The following ADAM23 variants were observed in gnomAD, a reference collection of about 807,000 sequenced individuals.
The protein encoded by ADAM23 is ADAM metallopeptidase domain 23, also known as disintegrin and metalloproteinase domain-containing protein 23.
ADAM23 carries 33 observed loss-of-function variants against 120.1 expected under a neutral mutation model. The observed-to-expected ratio is 0.27, with a 90% CI of 0.21 to 0.37. The LOEUF is 0.37. Among genes scored for constraint, ADAM23 ranks in the 10% least tolerant of loss-of-function variants. The pLI is 1.00. For missense variants in ADAM23, 862 were observed against 1,058.2 expected, an observed-to-expected ratio of 0.81 and a Z score of 2.57; for synonymous variants, 367 against 375.2, an observed-to-expected ratio of 0.98 and a Z score of 0.25.
rs143773690 is a variant in ADAM23 at position 206,448,539 on chromosome 2, G to T, written c.432+3015G>T. ...GCCAATGAGATGATGGGTGGCTGGG[G>T]GTCCCTAAATAGCTTCAGGATGGGA... On this transcript the variant is annotated intron_variant, in intron 2 of 25. Transcript: ENST00000264377. 2.0e-5 allele frequency among the ~76,000 whole-genome samples: 3 copies of T among 152,240 alleles called. No homozygotes were observed. In the East Asian group the frequency reaches 5.8e-4, roughly 29 times the overall value.
rs955523236 is a variant in ADAM23, at chr2:206,617,967, A to T, written c.*340A>T. 6 of 217,318 alleles carry T rather than the reference A, an allele frequency of 2.8e-5. No individual in the cohort carries two copies. Among genetic ancestry groups the T allele is most frequent in the African/African-American group, 1.1e-4 (5 of 43,564 alleles). The allele number at this position is 217,318 out of a possible 1,614,324, so 13.5% of individuals were successfully genotyped here. On this transcript the variant is annotated 3_prime_UTR_variant, in exon 26 of 26. Coordinates refer to ENST00000264377, the MANE Select transcript of ADAM23 (RefSeq NM_003812.4). ...AAAGGAATCATTAAAAAAAATAGTA[A>T]ATGATTTTTTTTCCCTCAGCCTGCT...
chr2:206,475,320 T>C (rs1695754337), intron 2 of ADAM23, among the ~76,000 whole-genome samples: 1 of 152,170 alleles, frequency 6.6e-6, no homozygotes, highest in Admixed American at 6.5e-5. Context: ...TGTTGATATT[T>C]TCTTTTGGAC....
intron 3 of ADAM23, among the ~76,000 whole-genome samples, chr2:206,519,733 CT>C (rs1408930562): frequency 6.6e-6 from 1 of 152,066 alleles, no homozygotes; most frequent in African/African-American, 2.4e-5. Flanking sequence ...AAGAACCAGC[CT>C]GGCAAGGTGG....
chr2:206,473,195 A>G (rs1454351975), intron 2 of ADAM23, among the ~76,000 whole-genome samples: 1 of 152,192 alleles, frequency 6.6e-6, no homozygotes, highest in African/African-American at 2.4e-5. Context: ...TTACTTTAAA[A>G]GCATGTTTCT....
chr2:206,458,715 G>A lies in ADAM23; in HGVS notation c.432+13191G>A, dbSNP rs116651783. Among the ~76,000 whole-genome samples the A allele has an allele frequency of 1.9e-3, 282 of 152,256 alleles. 1 individual carries two copies. Among genetic ancestry groups the A allele is most frequent in the Middle Eastern group, 0.017 (5 of 294 alleles). On this transcript the variant is annotated intron_variant, in intron 2 of 25. Coordinates refer to ENST00000264377, the MANE Select transcript of ADAM23 (RefSeq NM_003812.4). The stretch of plus-strand genomic sequence containing the variant: ...GCCCCAAATACTCATACTATAAATA[G>A]CACACGTTCAGATGATAATTTCCCC...
chr2:206,571,170 G>T (rs1220695598), intron 16 of ADAM23, among the ~76,000 whole-genome samples: 1 of 152,114 alleles, frequency 6.6e-6, no homozygotes, highest in Non-Finnish European at 1.5e-5. Context: ...GAGGAGAATT[G>T]CCTGCTAAAA....
intron 2 of ADAM23, among the ~76,000 whole-genome samples, chr2:206,455,043 G>A (rs555108935): frequency 4.0e-4 from 61 of 152,360 alleles, no homozygotes; most frequent in African/African-American, 1.4e-3. Context: ...TGGGGACTGT[G>A]TATGGAAGCT....
chr2:206,543,400 A>G lies in ADAM23; in HGVS notation c.720+84A>G, dbSNP rs540935024. The G allele has an allele frequency of 2.6e-4, 305 of 1,172,694 alleles. 1 individual carries two copies. The highest frequency in any genetic ancestry group is 5.8e-4 in the Middle Eastern group (3 of 5,184). 72.6% of individuals were successfully genotyped at this position (1,172,694 alleles called of 1,614,324 possible). On this transcript the variant is annotated intron_variant, in intron 6 of 25. Transcript: ENST00000264377. ...GAGAAGAAAAGAGAAAAGAGTGTAG[A>G]TTTCAAAGTGCCTTTGTACATGTTA... is the stretch of plus-strand genomic sequence containing the variant.
chr2:206,561,466 A>G (rs1223592927), intron 12 of ADAM23, among the ~76,000 whole-genome samples: 1 of 152,224 alleles, frequency 6.6e-6, no homozygotes, highest in African/African-American at 2.4e-5. Context: ...TTAGGCCTCT[A>G]TAGATAAGAT....
At chr2:206,590,526 G>A (rs1186996140) in intron 21 of ADAM23, among the ~76,000 whole-genome samples, 2 of 152,146 alleles carry the variant, frequency 1.3e-5, no homozygotes, top group Admixed American at 6.5e-5. Context: ...TCCTTCTAAA[G>A]CAATGAAAAT....
At chr2:206,495,606 A>C (rs904452579) in intron 3 of ADAM23, among the ~76,000 whole-genome samples, 1 of 152,206 alleles carries the variant, frequency 6.6e-6, no homozygotes, top group African/African-American at 2.4e-5. Flanking sequence ...TGAGCAAAAT[A>C]ACCAGCTAAC....
chr2:206,584,521 A>G (rs1037132435), intron 18 of ADAM23, among the ~76,000 whole-genome samples: 2 of 151,974 alleles, frequency 1.3e-5, no homozygotes, highest in Non-Finnish European at 2.9e-5. Flanking sequence ...TTTCCTGACA[A>G]CCTGCATGAC....
At chr2:206,449,956 TGAAGAGA>T (rs1695159165) in intron 2 of ADAM23, among the ~76,000 whole-genome samples, 1 of 152,164 alleles carries the variant, frequency 6.6e-6, no homozygotes, top group South Asian at 2.1e-4. Context: ...CACCCCAGGT[TGAAGAGA>T]GAAGAGAGAG....
intron 2 of ADAM23, among the ~76,000 whole-genome samples, chr2:206,462,885 A>G (rs1695454662): frequency 6.6e-6 from 1 of 152,146 alleles, no homozygotes; most frequent in African/African-American, 2.4e-5. Context: ...AGGAAATAAC[A>G]TTACCTGATT....
chr2:206,561,100 T>G, intron 11 of ADAM23, 28 bp from the exon 12 acceptor site: 2 of 1,611,062 alleles, frequency 1.2e-6, no homozygotes, highest in Non-Finnish European at 1.7e-6. Context: ...ACCACGTTGG[T>G]TTTCTGATAG....
chr2:206,508,321 C>T (rs945225893), intron 3 of ADAM23, among the ~76,000 whole-genome samples: 4 of 152,144 alleles, frequency 2.6e-5, no homozygotes, highest in Non-Finnish European at 4.4e-5. Context: ...CCACTGTGTC[C>T]GGCCGCCTAG....
chr2:206,463,577 A>G (rs1212165865), intron 2 of ADAM23, among the ~76,000 whole-genome samples: 1 of 152,252 alleles, frequency 6.6e-6, no homozygotes, highest in African/African-American at 2.4e-5. Flanking sequence ...AAAAATGACT[A>G]CTATTCTTTG....
chr2:206,536,840 G>T (rs758850817), intron 4 of ADAM23, among the ~76,000 whole-genome samples: 1 of 151,912 alleles, frequency 6.6e-6, no homozygotes, highest in Non-Finnish European at 1.5e-5. Context: ...CGAGTAGCTG[G>T]GATTACAGGC....
intron 18 of ADAM23, 24 bp downstream of exon 18, chr2:206,573,219 A>T (rs1698040513): frequency 6.2e-7 from 1 of 1,605,060 alleles, no homozygotes; most frequent in African/African-American, 1.3e-5. Context: ...AGTTTTTGGT[A>T]ATACATTTTA....
Sources: gnomAD v4.1 joint callset for allele counts (sites outside exome capture counted in the v4.1 genomes callset) on GRCh38, gnomAD v4.1.1 for gene constraint, MANE v1.5 for transcripts, NCBI Gene and HGNC (gene_info 2026-07-23, HGNC 2026-07-21) for gene names.